L3HYPDH: variants seen among roughly 807,000 people sequenced by gnomAD.
L3HYPDH encodes the protein trans-3-hydroxy-L-proline dehydratase.
Under a neutral mutation model 26.5 loss-of-function variants are expected in L3HYPDH, and 32 were observed. The ratio of observed to expected loss-of-function variants is 1.21; its 90% confidence interval spans 0.91 to 1.62. L3HYPDH has a LOEUF of 1.62. Ranked by LOEUF, L3HYPDH falls within the 40% of genes most tolerant of loss-of-function variation. The probability of loss-of-function intolerance (pLI) is 0.00; values close to 1 mark genes in which losing one functional copy is unlikely to be tolerated. For missense variants in L3HYPDH, 554 were observed against 476.4 expected, an observed-to-expected ratio of 1.16 and a Z score of -1.52; for synonymous variants, 215 against 196.6, an observed-to-expected ratio of 1.09 and a Z score of -0.78.
At chr14:59,498,664 A>G in the L3HYPDH span, 2 of 896,850 alleles carry the variant, frequency 2.2e-6, no homozygotes, top group Admixed American at 5.6e-5. Context: ...TTTAAAAATG[A>G]TCAAGATTAA....
chr14:59,488,908 C>T (rs555700469), upstream of L3HYPDH, among the ~76,000 whole-genome samples: 1 of 152,322 alleles, frequency 6.6e-6, no homozygotes, highest in Admixed American at 6.5e-5. Flanking sequence ...ACAAAGAGTG[C>T]CCAATTAAAA....
At chr14:59,477,067 C>G (rs1163286422) in intron 2 of L3HYPDH, among the ~76,000 whole-genome samples, 1 of 152,180 alleles carries the variant, frequency 6.6e-6, no homozygotes, top group East Asian at 1.9e-4. Flanking sequence ...AAGAGTCCAT[C>G]TGAAACCAAG....
At chr14:59,500,978 CGAGACA>C in the L3HYPDH span, 1 of 483,414 alleles carries the variant, frequency 2.1e-6, no homozygotes, top group Admixed American at 3.9e-5. Flanking sequence ...GCTGGGTAAT[CGAGACA>C]GAGAAATGCA....
chr14:59,502,495 T>TG, the L3HYPDH span, among the ~76,000 whole-genome samples: 2 of 151,938 alleles, frequency 1.3e-5, no homozygotes, highest in Non-Finnish European at 2.9e-5. Flanking sequence ...AGAGAGTGAG[T>TG]GGGGGAAAAC....
At chr14:59,487,075 C>T (rs112897124), upstream of L3HYPDH, 447 of 239,558 alleles carry the variant, frequency 1.9e-3, 4 homozygotes, top group African/African-American at 9.2e-3. Context: ...TAGTTGTGTG[C>T]GCCTGTAGTC....
intron 1 of L3HYPDH, among the ~76,000 whole-genome samples, chr14:59,479,738 A>T (rs1327282265): frequency 6.6e-6 from 1 of 152,240 alleles, no homozygotes; most frequent in Non-Finnish European, 1.5e-5. Flanking sequence ...AGATGGTTTA[A>T]AATAGTGAGG....
upstream of L3HYPDH, chr14:59,484,682 C>T: frequency 6.8e-7 from 1 of 1,472,374 alleles, no homozygotes; most frequent in Non-Finnish European, 9.3e-7. Flanking sequence ...TCTTTGTAGG[C>T]GGCCTTCGGT....
chr14:59,469,558 T>TAAAAAAA (rs36113229), downstream of L3HYPDH, among the ~76,000 whole-genome samples: 3 of 43,310 alleles, frequency 6.9e-5, no homozygotes, highest in African/African-American at 1.0e-4. Flanking sequence ...TCCATCTCAT[T>TAAAAAAA]AAAAAAAAAA....
At chr14:59,499,868 A>G in the L3HYPDH span, among the ~76,000 whole-genome samples, 7 of 152,110 alleles carry the variant, frequency 4.6e-5, no homozygotes, top group East Asian at 1.9e-4. Flanking sequence ...TAGCTCCTCT[A>G]TTTCCCTGTT....
At chr14:59,485,265 C>A, upstream of L3HYPDH, 1 of 674,828 alleles carries the variant, frequency 1.5e-6, no homozygotes, top group Non-Finnish European at 2.3e-6. Flanking sequence ...AATTCCTTAC[C>A]TTCTGCATTC....
chr14:59,486,581 T>C, upstream of L3HYPDH: 2 of 658,946 alleles, frequency 3.0e-6, no homozygotes, highest in African/African-American at 1.8e-5. Flanking sequence ...TAAAAATGCT[T>C]CAAGACTTTT....
At chr14:59,499,001 T>C in the L3HYPDH span, 5 of 524,718 alleles carry the variant, frequency 9.5e-6, no homozygotes, top group Admixed American at 8.7e-5. Context: ...TTCCTTAAGA[T>C]AGTTTGTTTA....
downstream of L3HYPDH, among the ~76,000 whole-genome samples, chr14:59,471,979 A>C (rs1026202388): frequency 2.0e-5 from 3 of 152,190 alleles, no homozygotes; most frequent in Non-Finnish European, 4.4e-5. Context: ...CACAGACCTA[A>C]TAATAAGGCC....
At position 59,484,286 on chromosome 14, in the gene L3HYPDH, G is replaced by A. The variant is rs1284582803; in HGVS notation, c.31C>T (p.Pro11Ser). 8.2e-6 allele frequency: 13 copies of A among 1,593,168 alleles called. No individual in the cohort carries two copies. Among genetic ancestry groups the A allele is most frequent in the Non-Finnish European group, 9.3e-6 (11 of 1,177,120 alleles). The change falls in exon 1 of 5, where the codon CCC becomes TCC. Residue 11 changes from proline (P) to serine (S), a missense_variant. Coordinates refer to ENST00000247194, the MANE Select transcript of L3HYPDH (RefSeq NM_144581.2). ...ACCGGCGTCCCTGGATCATGCGGGGGCAGCCGGGGCACCGCCAGCGCGCTC... is the reference window on the plus strand; with the variant it reads ...ACCGGCGTCCCTGGATCATGCGGGGACAGCCGGGGCACCGCCAGCGCGCTC... Reference protein sequence around the residue: MESALAVPRLPPHDPGTPVLS... With the variant: MESALAVPRLSPHDPGTPVLS...
At position 59,484,126 on chromosome 14, in the gene L3HYPDH, C is replaced by T. The variant is rs1890297453; in HGVS notation, c.191G>A (p.Arg64Gln). ...MRQHLDHVRR[R>Q]LMFEPRGHRD... Reference sequence around the variant, plus strand: ...GTGCCCTCGGGGCTCGAACATGAGCCGTCGCCGCACGTGGTCAAGGTGCTG... The same window carrying T: ...GTGCCCTCGGGGCTCGAACATGAGCTGTCGCCGCACGTGGTCAAGGTGCTG... Residue 64 changes from arginine (R) to glutamine (Q), a missense_variant, in exon 1 of 5, where the codon CGG becomes CAG. Transcript: ENST00000247194. 6.2e-7 allele frequency: 1 copy of T among 1,602,638 alleles called. No homozygotes were observed. The highest frequency in any genetic ancestry group is 8.5e-7 in the Non-Finnish European group (1 of 1,179,058).
the L3HYPDH span, among the ~76,000 whole-genome samples, chr14:59,502,760 T>TGTTTTGTTTTGTTTTGTTTTG: frequency 1.0e-4 from 13 of 130,108 alleles, no homozygotes; most frequent in South Asian, 5.2e-4. Context: ...ATTTTTTTTT[T>TGTTTTGTTTTGTTTTGTTTTG]TTTTTTTTTT....
intron 1 of L3HYPDH, among the ~76,000 whole-genome samples, chr14:59,466,528 T>C (rs1388450237): frequency 1.3e-5 from 2 of 152,232 alleles, no homozygotes; most frequent in African/African-American, 2.4e-5. Context: ...CCTGATCTAC[T>C]GAAACTCCTG....
chr14:59,501,085 T>A, the L3HYPDH span: 2 of 711,232 alleles, frequency 2.8e-6, no homozygotes, highest in Admixed American at 5.6e-5. Context: ...ACAGAACTGG[T>A]TGAGAAAGGA....
chr14:59,498,180 T>G, the L3HYPDH span, among the ~76,000 whole-genome samples: 1 of 152,238 alleles, frequency 6.6e-6, no homozygotes, highest in Non-Finnish European at 1.5e-5. Flanking sequence ...TTTCTGCATG[T>G]GTATGCATTT....
Sources: allele counts gnomAD v4.1 joint callset (sites outside exome capture counted in the v4.1 genomes callset), GRCh38; gene constraint gnomAD v4.1.1; transcripts MANE v1.5; gene names NCBI Gene and HGNC (gene_info 2026-07-23, HGNC 2026-07-21).